The following FCHO2 variants were observed in gnomAD, a reference collection of about 807,000 sequenced individuals.
The protein encoded by FCHO2 is F-BAR domain only protein 2.
In FCHO2, 43 loss-of-function variants were observed where a neutral mutation model predicts 114.1. The observed-to-expected ratio is 0.38, with a 90% CI of 0.30 to 0.49. FCHO2 has a LOEUF of 0.49. Ranked by LOEUF, FCHO2 falls within the 20% of genes least tolerant of loss-of-function variation. The pLI is 0.97. For missense variants in FCHO2, 807 were observed against 950.4 expected (o/e 0.85, Z 1.98); for synonymous variants, 293 against 315.2 (o/e 0.93, Z 0.75).
chr5:73,040,926 A>G (rs929560463), intron 10 of FCHO2, among the ~76,000 whole-genome samples: 4 of 152,184 alleles, frequency 2.6e-5, no homozygotes, highest in African/African-American at 9.6e-5. Context: ...ATGAAAAGCC[A>G]TTAGAAAGCC....
intron 2 of FCHO2, among the ~76,000 whole-genome samples, chr5:72,978,006 GT>G (rs1752980949): frequency 6.6e-6 from 1 of 152,186 alleles, no homozygotes; most frequent in African/African-American, 2.4e-5. Flanking sequence ...GTACCATGCT[GT>G]TTTGGTTACT....
At chr5:73,026,102 A>C (rs1755902065) in intron 8 of FCHO2, among the ~76,000 whole-genome samples, 1 of 152,054 alleles carries the variant, frequency 6.6e-6, no homozygotes, top group Non-Finnish European at 1.5e-5. Context: ...GAACGCCTGC[A>C]GAAAAAGGCA....
intron 10 of FCHO2, among the ~76,000 whole-genome samples, chr5:73,038,459 A>T (rs1424351386): frequency 6.6e-6 from 1 of 152,236 alleles, no homozygotes; most frequent in Non-Finnish European, 1.5e-5. Flanking sequence ...AGTCAAAACA[A>T]CAAAAAAATT....
intron 7 of FCHO2, 116 bp downstream of exon 7, chr5:73,015,840 A>G (rs1755279487): frequency 8.2e-6 from 4 of 485,508 alleles, no homozygotes; most frequent in Non-Finnish European, 3.5e-6. Context: ...AATTTTTCCA[A>G]ATAAAGAATA....
chr5:73,019,878 A>G (rs1297447439), intron 8 of FCHO2, among the ~76,000 whole-genome samples: 2 of 152,192 alleles, frequency 1.3e-5, no homozygotes, highest in South Asian at 4.1e-4. Context: ...ACGAGGAGCC[A>G]TGTAGGTAAA....
At chr5:73,065,252 C>T (rs1461014842) in intron 18 of FCHO2, among the ~76,000 whole-genome samples, 3 of 151,794 alleles carry the variant, frequency 2.0e-5, no homozygotes, top group Non-Finnish European at 2.9e-5. Flanking sequence ...TTTTTTAAAT[C>T]GTTATGACTA....
chr5:73,010,518 A>G (rs757333254), intron 6 of FCHO2, among the ~76,000 whole-genome samples: 1 of 152,136 alleles, frequency 6.6e-6, no homozygotes, highest in Admixed American at 6.5e-5. Flanking sequence ...GTGTCGCTTA[A>G]CAACAGGGAT....
chr5:72,961,600 T>C (rs540068073), intron 1 of FCHO2, among the ~76,000 whole-genome samples: 16 of 145,592 alleles, frequency 1.1e-4, no homozygotes, highest in Non-Finnish European at 2.4e-4. Flanking sequence ...AATTTCTTTC[T>C]TTTTTTTTTT....
intron 5 of FCHO2, among the ~76,000 whole-genome samples, chr5:72,997,841 C>G (rs554636251): frequency 6.6e-6 from 1 of 152,214 alleles, no homozygotes; most frequent in African/African-American, 2.4e-5. Context: ...AGCAGCCTCA[C>G]TCTAACTTCG....
chr5:73,028,378 T>A (rs1036247968), intron 8 of FCHO2, among the ~76,000 whole-genome samples: 4 of 152,170 alleles, frequency 2.6e-5, no homozygotes, highest in African/African-American at 9.7e-5. Flanking sequence ...CCTAGGCATT[T>A]ACCCAAGAGA....
intron 2 of FCHO2, among the ~76,000 whole-genome samples, chr5:72,971,909 T>C (rs1752578961): frequency 6.6e-6 from 1 of 152,046 alleles, no homozygotes; most frequent in South Asian, 2.1e-4. Context: ...AGTTTCAGCT[T>C]TCTACATATG....
chr5:72,978,467 A>G (rs764540831), intron 2 of FCHO2, among the ~76,000 whole-genome samples: 22 of 152,226 alleles, frequency 1.4e-4, no homozygotes, highest in Admixed American at 4.6e-4. Flanking sequence ...TTGTATCCTG[A>G]GAATTTACTG....
chr5:73,016,883 G>T lies in FCHO2; in HGVS notation c.700-329G>T, dbSNP rs1314110837. ...CATCTGGGTGACAGAGTCAGACTGT[G>T]TGTGTGTTTTTTTTAAGCCAAAAGT... is the stretch of plus-strand genomic sequence containing the variant. On this transcript the variant is annotated intron_variant, in intron 7 of 25. Coordinates refer to ENST00000430046, the MANE Select transcript of FCHO2 (RefSeq NM_138782.3). Among the ~76,000 whole-genome samples, 4 of 152,176 alleles carry T rather than the reference G, an allele frequency of 2.6e-5. No individual in the cohort carries two copies. The East Asian group carries it at 7.7e-4, about 29-fold the overall frequency.
At chr5:73,082,876 A>ATTT in intron 24 of FCHO2, 51 bp downstream of exon 24, 15 of 1,210,440 alleles carry the variant, frequency 1.2e-5, no homozygotes, top group Admixed American at 2.8e-5. Flanking sequence ...CTGAAAATTG[A>ATTT]TTTTTTTTTT....
At chr5:73,080,024 G>A (rs1743040056) in intron 22 of FCHO2, among the ~76,000 whole-genome samples, 4 of 152,160 alleles carry the variant, frequency 2.6e-5, no homozygotes, top group African/African-American at 7.2e-5. Flanking sequence ...ATAAATAAAT[G>A]TGTGTGTTTA....
intron 17 of FCHO2, among the ~76,000 whole-genome samples, chr5:73,060,948 G>T (rs1757822317): frequency 6.7e-6 from 1 of 148,848 alleles, no homozygotes; most frequent in African/African-American, 2.5e-5. Flanking sequence ...CCTCCCCTTT[G>T]TTAAGTGCCA....
rs547751834 is a variant in FCHO2 at position 73,026,343 on chromosome 5, G to A, written c.797-8314G>A. On this transcript the variant is annotated intron_variant, in intron 8 of 25. Transcript: ENST00000430046. ...AACTTAGCTGGGTGTGGTGGTGGGC[G>A]CCTGTAATCCCAGCTACTTGGGAGG... 7.9e-5 allele frequency among the ~76,000 whole-genome samples: 12 copies of A among 152,072 alleles called. No individual in the cohort carries two copies. In the East Asian group the frequency reaches 1.6e-3, roughly 20 times the overall value.
chr5:73,047,821 G>A (rs1332356085), intron 11 of FCHO2, among the ~76,000 whole-genome samples: 3 of 151,952 alleles, frequency 2.0e-5, no homozygotes, highest in African/African-American at 4.8e-5. Context: ...TTCATGTTTT[G>A]TGTATTTTTA....
At chr5:73,041,485 G>C (rs1756802379) in intron 11 of FCHO2, among the ~76,000 whole-genome samples, 170 bp downstream of exon 11, 1 of 152,054 alleles carries the variant, frequency 6.6e-6, no homozygotes, top group Non-Finnish European at 1.5e-5. Context: ...TACATTGCCA[G>C]ATGCTTTCCT....
Sources: gnomAD v4.1 joint callset for allele counts (sites outside exome capture counted in the v4.1 genomes callset) on GRCh38, gnomAD v4.1.1 for gene constraint, MANE v1.5 for transcripts, NCBI Gene and HGNC (gene_info 2026-07-23, HGNC 2026-07-21) for gene names.